ZFPM2: variants seen among roughly 807,000 people sequenced by gnomAD.
ZFPM2 encodes the protein zinc finger protein, FOG family member 2.
ZFPM2 carries 20 observed loss-of-function variants against 98.6 expected under a neutral mutation model. The observed-to-expected ratio is 0.20, with a 90% CI of 0.14 to 0.29. The LOEUF (loss-of-function observed/expected upper bound fraction) is 0.29. ZFPM2 is among the 10% of genes least tolerant of loss of function. The pLI, the probability that ZFPM2 is intolerant of heterozygous loss-of-function variation, is 1.00. For synonymous variants in ZFPM2, 518 were observed against 502.7 expected, an observed-to-expected ratio of 1.03 and a Z score of -0.41; for missense variants, 1,310 against 1,388.6, an observed-to-expected ratio of 0.94 and a Z score of 0.90.
At chr8:105,373,990 G>A (rs1310264509) in intron 1 of ZFPM2, among the ~76,000 whole-genome samples, 1 of 152,138 alleles carries the variant, frequency 6.6e-6, no homozygotes, top group African/African-American at 2.4e-5. Flanking sequence ...TAGATATTGT[G>A]TACAAAAAAT....
At chr8:105,526,801 A>C (rs1436933255) in intron 3 of ZFPM2, among the ~76,000 whole-genome samples, 1 of 152,158 alleles carries the variant, frequency 6.6e-6, no homozygotes, top group East Asian at 1.9e-4. Flanking sequence ...ATACAGTCCA[A>C]GTTGGGGTAC....
intron 2 of ZFPM2, among the ~76,000 whole-genome samples, chr8:105,435,967 C>G (rs1395579900): frequency 6.6e-6 from 1 of 151,972 alleles, no homozygotes; most frequent in Non-Finnish European, 1.5e-5. Flanking sequence ...GATGAAGGGT[C>G]TAAAAGTTGG....
At position 105,798,813 on chromosome 8, in the gene ZFPM2, C is replaced by G; in HGVS notation, c.829C>G (p.Gln277Glu). 6.2e-7 allele frequency: 1 copy of G among 1,613,912 alleles called. No homozygotes were observed. The highest frequency in any genetic ancestry group is 8.5e-7 in the Non-Finnish European group (1 of 1,179,872). Residue 277 changes from glutamine (Q) to glutamate (E), a missense_variant, in exon 7 of 8, where the codon CAA becomes GAA. Coordinates refer to ENST00000407775, the MANE Select transcript of ZFPM2 (RefSeq NM_012082.4). ...TTTGATGTACTACTGCAGTGGGAGG[C>G]AAAGAGAAGCTGCTCCGGTGTCAGA... is the stretch of plus-strand genomic sequence containing the variant. ...AHLMYYCSGR[Q>E]REAAPVSEEN...
intron 1 of ZFPM2, among the ~76,000 whole-genome samples, chr8:105,369,760 T>C (rs545947552): frequency 3.0e-4 from 45 of 152,258 alleles, no homozygotes; most frequent in Non-Finnish European, 4.1e-4. Flanking sequence ...GTTTTTTCTT[T>C]TTTTCTTTCT....
rs768705709 is a variant in ZFPM2, at chr8:105,419,302, G to C, written c.199G>C (p.Gly67Arg). Residue 67 changes from glycine to arginine, a missense_variant and splice_region_variant, in exon 2 of 8, where the codon GGT becomes CGT. Gly to Arg is a moderately radical substitution (Grantham distance 125). Coordinates refer to ENST00000407775, the MANE Select transcript of ZFPM2 (RefSeq NM_012082.4). ...CEEVEYFCNK[G>R]DDEGIQETAE... is the part of the protein sequence containing the mutation. ...AGAAGTGGAATACTTTTGTAACAAA[G>C]GTAATTGTTGATGGTTGGATGTAAT... 2.0e-5 allele frequency: 32 copies of C among 1,612,674 alleles called. No individual in the cohort carries two copies. The highest frequency in any genetic ancestry group is 2.7e-5 in the Non-Finnish European group (32 of 1,179,410).
rs867854306 is a variant in ZFPM2, at chr8:105,444,479, T to C, written c.301+98T>C. The stretch of plus-strand genomic sequence containing the variant: ...CATCAGTTAGCTTGCAAAAAATGTT[T>C]TTGTGTGTGCTGGTTACATGAGAGT... On this transcript the variant is annotated intron_variant, in intron 3 of 7. Transcript: ENST00000407775. 1.3e-5 allele frequency: 10 copies of C among 793,820 alleles called. No individual in the cohort carries two copies. In the Middle Eastern group the frequency reaches 1.2e-3, roughly 93 times the overall value. The allele number at this position is 793,820 out of a possible 1,614,324, so 49.2% of individuals were successfully genotyped here.
chr8:105,751,499 T>C (rs1457452030), intron 5 of ZFPM2, among the ~76,000 whole-genome samples: 1 of 152,068 alleles, frequency 6.6e-6, no homozygotes, highest in Non-Finnish European at 1.5e-5. Flanking sequence ...ACCTCATGAC[T>C]CACAATCTGC....
chr8:105,762,626 T>C (rs541878980), intron 5 of ZFPM2, among the ~76,000 whole-genome samples: 1 of 151,940 alleles, frequency 6.6e-6, no homozygotes, highest in East Asian at 1.9e-4. Context: ...TATTCAGGAG[T>C]GTCGTTCATA....
chr8:105,419,069 A>T (rs1811739887), intron 1 of ZFPM2, 75 bp from the exon 2 acceptor site: 2 of 1,416,990 alleles, frequency 1.4e-6, no homozygotes, highest in African/African-American at 1.4e-5. Flanking sequence ...TAACAAAAAA[A>T]GGCTCTATTT....
chr8:105,782,919 C>T (rs1295317844), intron 5 of ZFPM2, among the ~76,000 whole-genome samples: 1 of 152,088 alleles, frequency 6.6e-6, no homozygotes, highest in East Asian at 1.9e-4. Flanking sequence ...GTTTAGATTC[C>T]TTAAATTTCA....
chr8:105,757,000 G>A (rs1236186708), intron 5 of ZFPM2, among the ~76,000 whole-genome samples: 3 of 152,068 alleles, frequency 2.0e-5, no homozygotes, highest in East Asian at 3.9e-4. Context: ...TATACTAGTC[G>A]ATAATTTACA....
chr8:105,566,345 A>G (rs896939527), intron 4 of ZFPM2, among the ~76,000 whole-genome samples: 1 of 152,136 alleles, frequency 6.6e-6, no homozygotes, highest in African/African-American at 2.4e-5. Context: ...CTTATATTAA[A>G]TACTATCATG....
chr8:105,634,049 A>G (rs1242050571), intron 4 of ZFPM2, among the ~76,000 whole-genome samples, 197 bp from the exon 5 acceptor site: 2 of 152,106 alleles, frequency 1.3e-5, no homozygotes, highest in African/African-American at 4.8e-5. Flanking sequence ...TATTTCTACC[A>G]TTCAGATTAG....
At chr8:105,544,202 A>G (rs1303933384) in intron 3 of ZFPM2, among the ~76,000 whole-genome samples, 1 of 152,200 alleles carries the variant, frequency 6.6e-6, no homozygotes, top group Non-Finnish European at 1.5e-5. Flanking sequence ...AGAATGAACA[A>G]TTTAGAGAAT....
At chr8:105,790,680 T>A (rs1237979995) in intron 6 of ZFPM2, among the ~76,000 whole-genome samples, 2 of 152,232 alleles carry the variant, frequency 1.3e-5, no homozygotes, top group Non-Finnish European at 2.9e-5. Context: ...TAAATTACCT[T>A]GGGCAGTATG....
chr8:105,608,376 T>A (rs1816238554), intron 4 of ZFPM2, among the ~76,000 whole-genome samples: 1 of 152,156 alleles, frequency 6.6e-6, no homozygotes, highest in South Asian at 2.1e-4. Context: ...TATTCTTGCA[T>A]GTTACACCTT....
intron 3 of ZFPM2, among the ~76,000 whole-genome samples, chr8:105,473,304 A>T (rs1812945194): frequency 6.6e-6 from 1 of 152,196 alleles, no homozygotes; most frequent in African/African-American, 2.4e-5. Context: ...TAGTTTATAC[A>T]ATTCATTTAG....
chr8:105,554,789 G>A (rs1003506695), intron 3 of ZFPM2, among the ~76,000 whole-genome samples: 1 of 152,050 alleles, frequency 6.6e-6, no homozygotes, highest in African/African-American at 2.4e-5. Context: ...CAACTTAATG[G>A]TGAATTCAGG....
chr8:105,428,410 T>C (rs1398641936), intron 2 of ZFPM2, among the ~76,000 whole-genome samples: 1 of 152,202 alleles, frequency 6.6e-6, no homozygotes, highest in African/African-American at 2.4e-5. Flanking sequence ...GGTTTTGATA[T>C]AATGTAAGGG....
Sources: allele counts gnomAD v4.1 joint callset (sites outside exome capture counted in the v4.1 genomes callset), GRCh38; gene constraint gnomAD v4.1.1; transcripts MANE v1.5; gene names NCBI Gene and HGNC (gene_info 2026-07-23, HGNC 2026-07-21).